The following RUNX2 variants were observed in gnomAD, a reference collection of about 807,000 sequenced individuals.
The protein encoded by RUNX2 is runt-related transcription factor 2.
Under a neutral mutation model 51.7 loss-of-function variants are expected in RUNX2, and 10 were observed. The observed-to-expected ratio is 0.19, with a 90% CI of 0.12 to 0.33. RUNX2 has a LOEUF of 0.33. Among genes scored for constraint, RUNX2 ranks in the 10% least tolerant of loss-of-function variants. The pLI is 1.00. For synonymous variants in RUNX2, 276 were observed against 273.6 expected (o/e 1.01, Z -0.09); for missense variants, 562 against 691.3 (o/e 0.81, Z 2.10).
intron 5 of RUNX2, among the ~76,000 whole-genome samples, chr6:45,472,874 T>C (rs139260634): frequency 1.3e-5 from 2 of 152,202 alleles, no homozygotes; most frequent in East Asian, 3.8e-4. Context: ...CTTTCTGCAA[T>C]GGGCCAAGTA....
At chr6:45,459,955 T>C (rs1295194515) in intron 5 of RUNX2, among the ~76,000 whole-genome samples, 1 of 152,030 alleles carries the variant, frequency 6.6e-6, no homozygotes, top group African/African-American at 2.4e-5. Context: ...GGCATGGTTA[T>C]GGGATAGCAA....
chr6:45,440,190 A>G (rs1414858851), intron 5 of RUNX2, among the ~76,000 whole-genome samples: 1 of 152,190 alleles, frequency 6.6e-6, no homozygotes, highest in Non-Finnish European at 1.5e-5. Flanking sequence ...GTGTCTGGAG[A>G]GAAGCATGGG....
chr6:45,505,000 C>T (rs7754227), intron 6 of RUNX2, among the ~76,000 whole-genome samples: 27,471 of 152,116 alleles, frequency 0.18, 2,721 homozygotes, highest in African/African-American at 0.22. Flanking sequence ...TCACTGGCTG[C>T]CATGGTGTCC....
At chr6:45,463,085 T>C (rs1009471328) in intron 5 of RUNX2, among the ~76,000 whole-genome samples, 2 of 152,338 alleles carry the variant, frequency 1.3e-5, no homozygotes, top group African/African-American at 4.8e-5. Context: ...TCGCAGGCAG[T>C]TTCTCTTTCT....
intron 2 of RUNX2, among the ~76,000 whole-genome samples, chr6:45,349,608 G>T: frequency 6.6e-6 from 1 of 152,152 alleles, no homozygotes; most frequent in Non-Finnish European, 1.5e-5. Context: ...GCACACTAAG[G>T]TTTGGGAACC....
In RUNX2 at chr6:45,377,837, C is replaced by T. The variant is rs143144915; in HGVS notation, c.59-44756C>T. ...GGAGAATGTGGGGGTGGAGATGGTG[C>T]GGTTTCTGCTGCTGCGGCCCGGGAC... On this transcript the variant is annotated intron_variant, in intron 2 of 8. Coordinates refer to ENST00000647337, the MANE Select transcript of RUNX2 (RefSeq NM_001024630.4). 1.3e-3 allele frequency: 196 copies of T among 154,118 alleles called. 1 individual carries two copies. The highest frequency in any genetic ancestry group is 6.6e-3 in the Middle Eastern group (2 of 304). 9.5% of individuals were successfully genotyped at this position (154,118 alleles called of 1,614,324 possible).
chr6:45,451,492 C>T (rs973298992), intron 5 of RUNX2, among the ~76,000 whole-genome samples: 1 of 152,050 alleles, frequency 6.6e-6, no homozygotes, highest in Non-Finnish European at 1.5e-5. Flanking sequence ...GAATGTTTAG[C>T]GAAGAGCATT....
intron 3 of RUNX2, among the ~76,000 whole-genome samples, chr6:45,429,067 A>G (rs1266335772): frequency 1.3e-5 from 2 of 152,236 alleles, no homozygotes; most frequent in African/African-American, 4.8e-5. Context: ...GCACATCATT[A>G]TAATTACACT....
At chr6:45,346,567 C>CTTTTTTTTTTT (rs71745024) in intron 2 of RUNX2, among the ~76,000 whole-genome samples, 5 of 140,430 alleles carry the variant, frequency 3.6e-5, no homozygotes, top group Non-Finnish European at 7.6e-5. Context: ...ATAAACATTT[C>CTTTTTTTTTTT]TTTTTTTTTT....
chr6:45,545,141 C>T, intron 7 of RUNX2, 76 bp from the exon 8 acceptor site: 1 of 1,252,740 alleles, frequency 8.0e-7, no homozygotes, highest in Non-Finnish European at 1.1e-6. Flanking sequence ...GTTGCTTCTC[C>T]TTCTCTCTTG....
At chr6:45,483,050 G>T (rs543621435) in intron 5 of RUNX2, among the ~76,000 whole-genome samples, 3 of 152,322 alleles carry the variant, frequency 2.0e-5, no homozygotes, top group Admixed American at 2.0e-4. Context: ...TCTGGAAGCA[G>T]ATTTGTTTAT....
At chr6:45,462,390 T>C (rs1799502093) in intron 5 of RUNX2, among the ~76,000 whole-genome samples, 1 of 152,198 alleles carries the variant, frequency 6.6e-6, no homozygotes, top group Non-Finnish European at 1.5e-5. Context: ...ATAGGTCTTA[T>C]GTGTATCTGT....
chr6:45,417,809 A>G (rs889868796), intron 2 of RUNX2, among the ~76,000 whole-genome samples: 3 of 152,236 alleles, frequency 2.0e-5, no homozygotes, highest in African/African-American at 7.2e-5. Flanking sequence ...TGCATTGCAT[A>G]TCATTTTCAT....
chr6:45,401,508 A>G (rs796879688), intron 2 of RUNX2, among the ~76,000 whole-genome samples: 1 of 152,346 alleles, frequency 6.6e-6, no homozygotes, highest in African/African-American at 2.4e-5. Context: ...AACTAGTTGT[A>G]TAACTTCTTT....
Position 45,422,711 on chromosome 6 carries a change from G to A in RUNX2, c.177G>A (p.Gln59=), listed in dbSNP as rs2150362242. 3.3e-6 allele frequency: 5 copies of A among 1,519,952 alleles called. No individual in the cohort carries two copies. The highest frequency in any genetic ancestry group is 1.9e-5 in the Admixed American group (1 of 53,952). 94.2% of individuals were successfully genotyped at this position (1,519,952 alleles called of 1,614,324 possible). A position where few individuals can be genotyped will look rare whatever the true frequency, so the allele number is the denominator to read the frequency against. The change falls in exon 3 of 9, where the codon CAG becomes CAA. Residue 59 remains glutamine (Q), a synonymous_variant. Coordinates refer to ENST00000647337, the MANE Select transcript of RUNX2 (RefSeq NM_001024630.4). ...QQQQQQQQQQ[Q]QQQQQQQQQQ... is the part of the protein sequence containing the mutation. ...AGCAGCAACAGCAGCAGCAGCAACAGCAGCAGCAGCAGCAGCAACAGCAGC... is the reference window on the plus strand; with the variant it reads ...AGCAGCAACAGCAGCAGCAGCAACAACAGCAGCAGCAGCAGCAACAGCAGC...
chr6:45,480,506 A>T (rs1393057539), intron 5 of RUNX2, among the ~76,000 whole-genome samples: 1 of 152,238 alleles, frequency 6.6e-6, no homozygotes, highest in African/African-American at 2.4e-5. Context: ...CGTAACAGAC[A>T]TGCATCCATT....
chr6:45,354,762 G>A (rs1288268326), intron 2 of RUNX2, among the ~76,000 whole-genome samples: 1 of 152,126 alleles, frequency 6.6e-6, no homozygotes, highest in Admixed American at 6.6e-5. Context: ...TACTTTGGGA[G>A]GCTGAGGCAG....
intron 2 of RUNX2, among the ~76,000 whole-genome samples, chr6:45,407,421 C>G (rs1797861243): frequency 6.6e-6 from 1 of 152,144 alleles, no homozygotes; most frequent in African/African-American, 2.4e-5. Context: ...AATACATGAA[C>G]AAGATCCTCC....
Position 45,491,983 on chromosome 6 carries a change from C to G in RUNX2, c.728C>G (p.Ser243Cys), listed in dbSNP as rs770818987. The G allele has an allele frequency of 1.2e-6, 2 of 1,613,864 alleles. No individual in the cohort carries two copies. The highest frequency in any genetic ancestry group is 1.3e-5 in the African/African-American group (1 of 74,864). Reference protein sequence around the residue: ...KLDDSKPSLFSDRLSDLGRIP... With the variant: ...KLDDSKPSLFCDRLSDLGRIP... ...GATGACTCTAAACCTAGTTTGTTCT[C>G]TGACCGCCTCAGTGATTTAGGGCGC... Residue 243 changes from serine (S) to cysteine (C), a missense_variant, in exon 6 of 9, where the codon TCT becomes TGT. By Grantham distance (112) the Ser-to-Cys change is moderately radical. Transcript: ENST00000647337.
Sources: gnomAD v4.1 joint callset for allele counts (sites outside exome capture counted in the v4.1 genomes callset) on GRCh38, gnomAD v4.1.1 for gene constraint, MANE v1.5 for transcripts, NCBI Gene and HGNC (gene_info 2026-07-23, HGNC 2026-07-21) for gene names.